STEAP1B: variants seen among roughly 807,000 people sequenced by gnomAD.
The protein encoded by STEAP1B is STEAP family member 1B.
In STEAP1B, 13 loss-of-function variants were observed where a neutral mutation model predicts 27.9. That is an observed-to-expected ratio of 0.47 (90% CI 0.30 to 0.74). The LOEUF (loss-of-function observed/expected upper bound fraction) is 0.74. Ranked by LOEUF, STEAP1B falls within the 30% of genes least tolerant of loss-of-function variation. STEAP1B has a pLI of 0.06. For missense variants in STEAP1B, 250 were observed against 298.7 expected (o/e 0.84, Z 1.20); for synonymous variants, 86 against 107.1 (o/e 0.80, Z 1.22).
At chr7:22,485,000 C>G (rs907319207) in intron 4 of STEAP1B, among the ~76,000 whole-genome samples, 1 of 152,226 alleles carries the variant, frequency 6.6e-6, no homozygotes, top group Non-Finnish European at 1.5e-5. Flanking sequence ...TGAGGAGTTG[C>G]TTTTCATAGA....
At chr7:22,470,639 G>T (rs1785865357) in intron 4 of STEAP1B, among the ~76,000 whole-genome samples, 2 of 152,148 alleles carry the variant, frequency 1.3e-5, no homozygotes, top group Admixed American at 6.6e-5. Context: ...GGTGGTGCAT[G>T]CCTGTAGTCC....
At chr7:22,498,348 G>A (rs1187112895) in intron 1 of STEAP1B, among the ~76,000 whole-genome samples, 2 of 152,144 alleles carry the variant, frequency 1.3e-5, no homozygotes, top group East Asian at 1.9e-4. Context: ...GATCTGAGGG[G>A]GAGACACAGC....
intron 4 of STEAP1B, chr7:22,438,406 G>A (rs1249320344): frequency 2.8e-6 from 4 of 1,425,422 alleles, no homozygotes; most frequent in Non-Finnish European, 3.7e-6. Context: ...TGTCCACTTT[G>A]TACTTCCAGC....
intron 4 of STEAP1B, among the ~76,000 whole-genome samples, chr7:22,468,193 C>T (rs903738878): frequency 3.3e-5 from 5 of 151,932 alleles, no homozygotes; most frequent in African/African-American, 1.2e-4. Flanking sequence ...ATTATTTATA[C>T]TAAAAAAATT....
chr7:22,422,916 G>T (rs2128398145), intron 4 of STEAP1B, among the ~76,000 whole-genome samples: 2 of 152,282 alleles, frequency 1.3e-5, no homozygotes, highest in South Asian at 2.1e-4. Context: ...GAAGAAAAAA[G>T]ACAAAGCCTT....
chr7:22,425,414 T>C (rs1340033721), intron 4 of STEAP1B, among the ~76,000 whole-genome samples: 1 of 152,180 alleles, frequency 6.6e-6, no homozygotes, highest in Non-Finnish European at 1.5e-5. Flanking sequence ...ATTGCTACCA[T>C]ATATCAAAAG....
At chr7:22,446,469 C>T (rs1213778172) in intron 4 of STEAP1B, among the ~76,000 whole-genome samples, 9 of 152,156 alleles carry the variant, frequency 5.9e-5, no homozygotes, top group African/African-American at 1.2e-4. Context: ...GGGGACAGGG[C>T]CCAAAAATCT....
At position 22,493,501 on chromosome 7, in the gene STEAP1B, T is replaced by C. The variant is rs757249353; in HGVS notation, c.420A>G (p.Gln140=). The C allele has an allele frequency of 2.5e-6, 4 of 1,613,534 alleles. No individual in the cohort carries two copies. Among genetic ancestry groups the C allele is most frequent in the Non-Finnish European group, 2.5e-6 (3 of 1,179,668 alleles). ...YLPGVIAAIV[Q]VHNGTKYKKF... is the part of the protein sequence containing the mutation. ...TCTTATACTTGGTTCCATTATGAAC[T>C]TGGACAATTGCTGCTATCACACCTG... Residue 140 remains glutamine (Q), a synonymous_variant, in exon 3 of 5, where the codon CAA becomes CAG. Coordinates refer to ENST00000678116, the MANE Select transcript of STEAP1B (RefSeq NM_001382447.1).
intron 4 of STEAP1B, among the ~76,000 whole-genome samples, chr7:22,446,137 A>G (rs894595246): frequency 5.9e-5 from 9 of 152,212 alleles, no homozygotes; most frequent in African/African-American, 2.2e-4. Flanking sequence ...TGGGCTGTAT[A>G]TGAGATGAAG....
intron 4 of STEAP1B, among the ~76,000 whole-genome samples, chr7:22,470,754 C>A (rs910109739): frequency 6.6e-6 from 1 of 152,120 alleles, no homozygotes; most frequent in African/African-American, 2.4e-5. Context: ...AGGTTAATTT[C>A]TTAGTTTTCA....
chr7:22,429,471 C>T (rs1190873076), intron 4 of STEAP1B, among the ~76,000 whole-genome samples: 1 of 151,980 alleles, frequency 6.6e-6, no homozygotes, highest in Non-Finnish European at 1.5e-5. Flanking sequence ...TAATAGGTTC[C>T]CCCCAGTAGA....
intron 4 of STEAP1B, among the ~76,000 whole-genome samples, chr7:22,446,378 G>T (rs1369445069): frequency 6.6e-6 from 1 of 152,190 alleles, no homozygotes; most frequent in Non-Finnish European, 1.5e-5. Context: ...ACAAAGTGAG[G>T]TCCCCAACCT....
intron 4 of STEAP1B, among the ~76,000 whole-genome samples, chr7:22,459,825 T>G (rs1023361598): frequency 1.3e-5 from 2 of 152,230 alleles, no homozygotes; most frequent in Non-Finnish European, 2.9e-5. Flanking sequence ...ACACCCTCAG[T>G]GAGCGCAGCA....
intron 4 of STEAP1B, among the ~76,000 whole-genome samples, chr7:22,481,609 G>A (rs1786075890): frequency 6.6e-6 from 1 of 152,184 alleles, no homozygotes; most frequent in Non-Finnish European, 1.5e-5. Flanking sequence ...ATTAGAGTTT[G>A]AAAAGCACCA....
chr7:22,427,244 G>A (rs1785120226), intron 4 of STEAP1B, among the ~76,000 whole-genome samples: 1 of 152,186 alleles, frequency 6.6e-6, no homozygotes, highest in South Asian at 2.1e-4. Flanking sequence ...CCGACTGCAG[G>A]GGAGCAGGAG....
At chr7:22,449,708 G>A (rs768355145) in intron 4 of STEAP1B, among the ~76,000 whole-genome samples, 1 of 152,148 alleles carries the variant, frequency 6.6e-6, no homozygotes, top group Non-Finnish European at 1.5e-5. Flanking sequence ...TTAGTTTTTT[G>A]AGGAATCTCC....
At chr7:22,427,094 G>T (rs994598298) in intron 4 of STEAP1B, among the ~76,000 whole-genome samples, 1 of 152,142 alleles carries the variant, frequency 6.6e-6, no homozygotes, top group East Asian at 1.9e-4. Context: ...GAGAAGAGAG[G>T]GTCACAGAGA....
Position 22,476,847 on chromosome 7 carries a change from G to C in STEAP1B, c.762+15718C>G, listed in dbSNP as rs576474963. Reference sequence around the variant, plus strand: ...GTACTGGGTTCTCATCTGAAAACCTGACTAAGGAGGAATCCGTTTCTGAGA... The same window carrying C: ...GTACTGGGTTCTCATCTGAAAACCTCACTAAGGAGGAATCCGTTTCTGAGA... On this transcript the variant is annotated intron_variant, in intron 4 of 4. Transcript: ENST00000678116. Among the ~76,000 whole-genome samples, 3 of 152,276 alleles carry C rather than the reference G, an allele frequency of 2.0e-5. No individual in the cohort carries two copies. The East Asian group carries it at 5.8e-4, about 29-fold the overall frequency.
intron 2 of STEAP1B, among the ~76,000 whole-genome samples, chr7:22,494,482 C>G (rs904477697): frequency 1.3e-5 from 2 of 150,938 alleles, no homozygotes; most frequent in African/African-American, 2.4e-5. Flanking sequence ...ATTGGAAGGG[C>G]CTTGGGGATG....
Sources: gnomAD v4.1 joint callset for allele counts (sites outside exome capture counted in the v4.1 genomes callset) on GRCh38, gnomAD v4.1.1 for gene constraint, MANE v1.5 for transcripts, NCBI Gene and HGNC (gene_info 2026-07-23, HGNC 2026-07-21) for gene names.